LTV1: variants seen among roughly 807,000 people sequenced by gnomAD.
The protein encoded by LTV1 is protein LTV1 homolog.
Under a neutral mutation model 59.9 loss-of-function variants are expected in LTV1, and 39 were observed. The observed-to-expected ratio is 0.65, with a 90% confidence interval of 0.50 to 0.85. The LOEUF (loss-of-function observed/expected upper bound fraction) is 0.85. LTV1 is among the 40% of genes least tolerant of loss of function. The pLI is 0.00. For synonymous variants in LTV1, 171 were observed against 189.5 expected (o/e 0.90, Z 0.80); for missense variants, 493 against 549.1 (o/e 0.90, Z 1.02).
Position 143,863,001 on chromosome 6 carries a change from A to G in LTV1, c.1117-85A>G, listed in dbSNP as rs1327358821. 2 of 1,453,322 alleles carry G rather than the reference A, an allele frequency of 1.4e-6. No individual in the cohort carries two copies. Among genetic ancestry groups the G allele is most frequent in the Non-Finnish European group, 1.9e-6 (2 of 1,037,052 alleles). The allele number at this position is 1,453,322 out of a possible 1,614,324, so 90.0% of individuals were successfully genotyped here. A position where few individuals can be genotyped will look rare whatever the true frequency, so the allele number is the denominator to read the frequency against. On this transcript the variant is annotated intron_variant, in intron 9 of 10. Coordinates refer to ENST00000367576, the MANE Select transcript of LTV1 (RefSeq NM_032860.5). This position sits in a 1 kb window ranked among gnomAD's most constrained non-coding sequence, Gnocchi z 4.5. ...ATCTTTATGGCTAGAGTGATATTAGAAAAAGCATCAACAGTATGTCATTAA... is the reference window on the plus strand; with the variant it reads ...ATCTTTATGGCTAGAGTGATATTAGGAAAAGCATCAACAGTATGTCATTAA...
chr6:143,843,346 A>G lies in LTV1; in HGVS notation c.-132A>G, dbSNP rs1776829611. 1.9e-5 allele frequency: 22 copies of G among 1,139,670 alleles called. No homozygotes were observed. The highest frequency in any genetic ancestry group is 1.2e-4 in the East Asian group (5 of 41,994). The allele number at this position is 1,139,670 out of a possible 1,614,324, so 70.6% of individuals were successfully genotyped here. On this transcript the variant is annotated 5_prime_UTR_variant, in exon 1 of 11. Coordinates refer to ENST00000367576, the MANE Select transcript of LTV1 (RefSeq NM_032860.5). The stretch of plus-strand genomic sequence containing the variant: ...TTTCCACGGCCGGCTGGGTGACGTT[A>G]TCGCCGGGTCCTGGGGCTGCACGTG...
At position 143,860,573 on chromosome 6, in the gene LTV1, C is replaced by G. The variant is rs761866798; in HGVS notation, c.923+20C>G. 8.9e-6 allele frequency: 14 copies of G among 1,577,140 alleles called. No homozygotes were observed. Among genetic ancestry groups the G allele is most frequent in the Admixed American group, 3.7e-5 (2 of 53,444 alleles). Reference sequence around the variant, plus strand: ...AGAGAAGTATAGTGACTTTTCCTTCCTTGTTTAGCTGTTCTTTTTTTTAAA... The same window carrying G: ...AGAGAAGTATAGTGACTTTTCCTTCGTTGTTTAGCTGTTCTTTTTTTTAAA... On this transcript the variant is annotated intron_variant, in intron 7 of 10. Transcript: ENST00000367576.
At position 143,844,485 on chromosome 6, in the gene LTV1, GC is replaced by G. The variant is rs1460306923; in HGVS notation, c.5del (p.Pro2LeufsTer9). The G allele has an allele frequency of 5.6e-6, 9 of 1,612,794 alleles. No individual in the cohort carries two copies. The African/African-American group carries it at 1.1e-4, about 19-fold the overall frequency. On this transcript the variant is annotated frameshift_variant and splice_region_variant, in exon 2 of 11. Transcript: ENST00000367576. LOFTEE classifies it high-confidence loss of function. ...ATTGTTGTGATTTTGTTCCTTTGAAGCCTCACAGGAAGAAAAAGCCCTTTAT... is the reference window on the plus strand; with the variant it reads ...ATTGTTGTGATTTTGTTCCTTTGAAGCTCACAGGAAGAAAAAGCCCTTTAT... M[P>X]HRKKKPFIEK...
intron 3 of LTV1, among the ~76,000 whole-genome samples, chr6:143,849,078 A>G (rs1034335564): frequency 6.6e-6 from 1 of 152,180 alleles, no homozygotes; most frequent in South Asian, 2.1e-4. Flanking sequence ...GAAACTCAAG[A>G]AGGTCACATG....
rs1284502810 is a variant in LTV1 at position 143,860,431 on chromosome 6, T to C, written c.801T>C (p.Tyr267=). 2.5e-6 allele frequency: 4 copies of C among 1,612,788 alleles called. No individual in the cohort carries two copies. Among genetic ancestry groups the C allele is most frequent in the Non-Finnish European group, 3.4e-6 (4 of 1,179,476 alleles). The part of the protein sequence containing the change: ...TLHDERFEKF[Y]EQYDDDEIGA... ...TTTCTCTGTTTATATTCAAGTTTTA[T>C]GAGCAATATGATGATGATGAAATTG... is the stretch of plus-strand genomic sequence containing the variant. The change falls in exon 7 of 11, where the codon TAT becomes TAC. Residue 267 remains tyrosine, a synonymous_variant. Transcript: ENST00000367576.
Position 143,862,241 on chromosome 6 carries a change from G to A in LTV1, c.1061G>A (p.Cys354Tyr), listed in dbSNP as rs1458173582. Residue 354 changes from cysteine (C) to tyrosine (Y), a missense_variant and splice_region_variant, in exon 8 of 11, where the codon TGT (cysteine) becomes TAT (tyrosine). Physicochemically the swap from Cys to Tyr is radical, Grantham distance 194. Transcript: ENST00000367576. The surrounding 1 kb of genome is among the most constrained non-coding windows in gnomAD (Gnocchi z 4.2). ...AKEKWDCESICSTYSNLYNHP... is the reference protein window; with the variant it reads ...AKEKWDCESIYSTYSNLYNHP... ...GAGAAGTGGGATTGTGAATCTATTT[G>A]TAGTAAGTATATTCACTTTATGATA... 1.2e-6 allele frequency: 2 copies of A among 1,611,572 alleles called. No homozygotes were observed. Among genetic ancestry groups the A allele is most frequent in the Admixed American group, 1.7e-5 (1 of 59,968 alleles).
chr6:143,854,160 C>T (rs1358460589), intron 4 of LTV1, among the ~76,000 whole-genome samples: 3 of 152,142 alleles, frequency 2.0e-5, no homozygotes, highest in Non-Finnish European at 4.4e-5. Context: ...ATTCCACTTC[C>T]TCCTGATTTA....
Position 143,843,385 on chromosome 6 carries a change from A to G in LTV1, c.-93A>G, listed in dbSNP as rs1252030382. 3.3e-6 allele frequency: 5 copies of G among 1,514,144 alleles called. No individual in the cohort carries two copies. The highest frequency in any genetic ancestry group is 1.7e-4 in the Middle Eastern group (1 of 5,816). The allele number at this position is 1,514,144 out of a possible 1,614,324, so 93.8% of individuals were successfully genotyped here. A position where few individuals can be genotyped will look rare whatever the true frequency, so the allele number is the denominator to read the frequency against. On this transcript the variant is annotated 5_prime_UTR_variant, in exon 1 of 11. Transcript: ENST00000367576. ...GGGCTGCACGTGTGGTGAGGCCTAC[A>G]GAAGCGGCCTTCAGCTGGACCTTGG...
intron 2 of LTV1, among the ~76,000 whole-genome samples, chr6:143,845,043 C>T (rs998480473): frequency 2.6e-5 from 4 of 152,008 alleles, no homozygotes; most frequent in Admixed American, 6.6e-5. Flanking sequence ...TTTAGGGCAC[C>T]GATATATGCT....
At chr6:143,859,467 C>G (rs536387813) in intron 6 of LTV1, among the ~76,000 whole-genome samples, 1 of 152,314 alleles carries the variant, frequency 6.6e-6, no homozygotes, top group Non-Finnish European at 1.5e-5. Flanking sequence ...ATCCAAAAGC[C>G]TAAAATGGTG....
chr6:143,851,030 G>A (rs1036055994), intron 4 of LTV1, among the ~76,000 whole-genome samples: 1 of 152,076 alleles, frequency 6.6e-6, no homozygotes, highest in Non-Finnish European at 1.5e-5. Context: ...AGAAGGAGGG[G>A]GAGGGGTGGG....
At chr6:143,860,704 G>GAAA in intron 7 of LTV1, 151 bp downstream of exon 7, 1 of 635,526 alleles carries the variant, frequency 1.6e-6, no homozygotes, top group Non-Finnish European at 2.4e-6. Context: ...AAGAAAAGGG[G>GAAA]AAAAAAAAAG....
chr6:143,845,920 C>A, intron 2 of LTV1, 131 bp from the exon 3 acceptor site: 1 of 723,896 alleles, frequency 1.4e-6, no homozygotes, highest in Non-Finnish European at 2.2e-6. Context: ...CCAAAATGTT[C>A]ATGTGCCATC....
chr6:143,853,387 TA>T (rs1266305708), intron 4 of LTV1, among the ~76,000 whole-genome samples: 1 of 152,226 alleles, frequency 6.6e-6, no homozygotes, highest in East Asian at 1.9e-4. Flanking sequence ...TGGGGTTTTC[TA>T]AATAGACAGT....
intron 4 of LTV1, among the ~76,000 whole-genome samples, chr6:143,856,417 C>A (rs148296873): frequency 2.7e-4 from 41 of 152,264 alleles, no homozygotes; most frequent in Non-Finnish European, 4.4e-4. Flanking sequence ...TACTACCCAC[C>A]TTCTGAAGCA....
rs374070965 is a variant in LTV1, at chr6:143,860,417, A to G, written c.796-9A>G. 57 of 1,611,824 alleles carry G rather than the reference A, an allele frequency of 3.5e-5. No individual in the cohort carries two copies. The highest frequency in any genetic ancestry group is 1.6e-4 in the Middle Eastern group (1 of 6,072). On this transcript the variant is annotated splice_polypyrimidine_tract_variant and intron_variant, in intron 6 of 10. Coordinates refer to ENST00000367576, the MANE Select transcript of LTV1 (RefSeq NM_032860.5). ...TTTTCATGGTATCTTTTCTCTGTTTATATTCAAGTTTTATGAGCAATATGA... is the reference window on the plus strand; with the variant it reads ...TTTTCATGGTATCTTTTCTCTGTTTGTATTCAAGTTTTATGAGCAATATGA...
rs745621836 is a variant in LTV1, at chr6:143,857,908, G to A, written c.696G>A (p.Trp232Ter). ...GAGCTATAGCAGATCACTTGTTCTG[G>A]AGTGAGGAAACAAAGAGTCGCTTCA... is the stretch of plus-strand genomic sequence containing the variant. ...THRAIADHLF[W>*]SEETKSRFTE... is the part of the protein sequence containing the mutation. The change falls in exon 6 of 11, where the codon TGG (tryptophan) becomes TGA (stop). Residue 232 changes from tryptophan to a stop codon, truncating the protein, a stop_gained. Coordinates refer to ENST00000367576, the MANE Select transcript of LTV1 (RefSeq NM_032860.5). LOFTEE classifies it high-confidence loss of function. This position sits in a 1 kb window ranked among gnomAD's most constrained non-coding sequence, Gnocchi z 5.2. 1.2e-6 allele frequency: 2 copies of A among 1,614,128 alleles called. No individual in the cohort carries two copies. Among genetic ancestry groups the A allele is most frequent in the East Asian group, 4.5e-5 (2 of 44,870 alleles).
Position 143,862,842 on chromosome 6 carries a change from A to C in LTV1, c.1064-2A>C, listed in dbSNP as rs1264057504. The C allele has an allele frequency of 1.9e-6, 3 of 1,546,624 alleles. No individual in the cohort carries two copies. The African/African-American group carries it at 4.1e-5, about 21-fold the overall frequency. On this transcript the variant is annotated splice_acceptor_variant, in intron 8 of 10. Transcript: ENST00000367576. LOFTEE classifies it high-confidence loss of function. This position sits in a 1 kb window ranked among gnomAD's most constrained non-coding sequence, Gnocchi z 4.2. ...ATACATGACTTTTATTTGTTTGTTT[A>C]GGTACATACTCAAATTTATATAACC...
intron 6 of LTV1, among the ~76,000 whole-genome samples, chr6:143,859,984 T>C (rs1582942530): frequency 6.6e-6 from 1 of 152,086 alleles, no homozygotes; most frequent in Admixed American, 6.6e-5. Context: ...GTGCCTGTGG[T>C]CCCAGCTGCT....
Sources: gnomAD v4.1 joint callset for allele counts (sites outside exome capture counted in the v4.1 genomes callset) on GRCh38, gnomAD v4.1.1 for gene constraint, Gnocchi (gnomAD v3.1) non-coding constraint, MANE v1.5 for transcripts, NCBI Gene and HGNC (gene_info 2026-07-23, HGNC 2026-07-21) for gene names.